AGBL4: variants seen among roughly 807,000 people sequenced by gnomAD.
The protein encoded by AGBL4 is cytosolic carboxypeptidase 6.
In AGBL4, 58 loss-of-function variants were observed where a neutral mutation model predicts 66.4. The observed-to-expected ratio is 0.87, with a 90% CI of 0.71 to 1.09. The LOEUF (loss-of-function observed/expected upper bound fraction) is 1.09. AGBL4 is among the 50% of genes least tolerant of loss of function. The pLI is 0.00. For synonymous variants in AGBL4, 234 were observed against 222.9 expected, an observed-to-expected ratio of 1.05 and a Z score of -0.44; for missense variants, 579 against 631.0, an observed-to-expected ratio of 0.92 and a Z score of 0.88.
rs536092453 is a variant in AGBL4 at position 48,626,995 on chromosome 1, G to A, written c.951+7498C>T. ...ATGGCTATGGCCTCCTGTCCTCCTAGTTTATTTCTGATGTGTACGTGGGGT... is the reference window on the plus strand; with the variant it reads ...ATGGCTATGGCCTCCTGTCCTCCTAATTTATTTCTGATGTGTACGTGGGGT... On this transcript the variant is annotated intron_variant, in intron 9 of 13. Coordinates refer to ENST00000371839, the MANE Select transcript of AGBL4 (RefSeq NM_032785.4). Among the ~76,000 whole-genome samples, 6 of 152,070 alleles carry A rather than the reference G, an allele frequency of 3.9e-5. No individual in the cohort carries two copies. In the South Asian group the frequency reaches 1.2e-3, roughly 32 times the overall value.
At chr1:49,486,590 C>T (rs1405934520) in intron 3 of AGBL4, among the ~76,000 whole-genome samples, 4 of 151,864 alleles carry the variant, frequency 2.6e-5, no homozygotes, top group Non-Finnish European at 4.4e-5. Flanking sequence ...CTATTCAGGC[C>T]TCTCTCTCTG....
chr1:49,394,118 G>A (rs1644906932), intron 3 of AGBL4, among the ~76,000 whole-genome samples: 1 of 151,420 alleles, frequency 6.6e-6, no homozygotes, highest in South Asian at 2.1e-4. Flanking sequence ...AAGTGTCACT[G>A]ACATTAAAAA....
chr1:49,589,627 A>T (rs189857768), intron 3 of AGBL4, among the ~76,000 whole-genome samples: 2 of 152,154 alleles, frequency 1.3e-5, no homozygotes. Flanking sequence ...ATAATATTTC[A>T]TATAATCAAA....
At chr1:48,653,147 C>T (rs1645958906) in intron 8 of AGBL4, among the ~76,000 whole-genome samples, 190 bp downstream of exon 8, 1 of 152,148 alleles carries the variant, frequency 6.6e-6, no homozygotes, top group Non-Finnish European at 1.5e-5. Flanking sequence ...AGCAAGTGAC[C>T]TTAGGTGGCT....
intron 4 of AGBL4, among the ~76,000 whole-genome samples, chr1:49,144,393 C>A (rs1186142134): frequency 1.3e-5 from 2 of 151,720 alleles, no homozygotes; most frequent in Non-Finnish European, 2.9e-5. Flanking sequence ...CTTCTGTATT[C>A]CAGCACCGAA....
intron 3 of AGBL4, among the ~76,000 whole-genome samples, chr1:49,441,297 T>C (rs932060169): frequency 1.3e-5 from 2 of 152,100 alleles, no homozygotes; most frequent in East Asian, 1.9e-4. Context: ...GGAAGGAACA[T>C]AGAGTTGGAT....
chr1:48,999,595 C>T (rs186671606), intron 5 of AGBL4, among the ~76,000 whole-genome samples: 8 of 152,218 alleles, frequency 5.3e-5, no homozygotes, highest in South Asian at 2.1e-4. Flanking sequence ...CTGTGCAGCA[C>T]GAGAAAAGTA....
chr1:49,434,720 G>C (rs1345564495), intron 3 of AGBL4, among the ~76,000 whole-genome samples: 20 of 151,422 alleles, frequency 1.3e-4, no homozygotes, highest in Admixed American at 1.3e-3. Context: ...GGTGGTGGTG[G>C]TGGTGGTGGT....
intron 2 of AGBL4, among the ~76,000 whole-genome samples, chr1:49,777,558 T>C (rs1269507033): frequency 2.0e-5 from 3 of 152,228 alleles, no homozygotes; most frequent in Non-Finnish European, 4.4e-5. Flanking sequence ...TTTTTAATTA[T>C]GTAGGACACA....
chr1:49,537,899 C>G (rs1651726431), intron 3 of AGBL4, among the ~76,000 whole-genome samples: 1 of 151,424 alleles, frequency 6.6e-6, no homozygotes, highest in Non-Finnish European at 1.5e-5. Context: ...TGCACTCCAG[C>G]CTGGGCGAGA....
intron 1 of AGBL4, among the ~76,000 whole-genome samples, chr1:50,004,192 G>A (rs1186574062): frequency 6.6e-6 from 1 of 152,204 alleles, no homozygotes; most frequent in Non-Finnish European, 1.5e-5. Flanking sequence ...TGTCACAGCA[G>A]AAAGCAACAC....
At chr1:48,886,411 T>G (rs1650349566) in intron 5 of AGBL4, among the ~76,000 whole-genome samples, 1 of 152,182 alleles carries the variant, frequency 6.6e-6, no homozygotes, top group Non-Finnish European at 1.5e-5. Flanking sequence ...AGCTGATTGT[T>G]TTGTCACTGT....
intron 6 of AGBL4, among the ~76,000 whole-genome samples, chr1:48,806,146 T>G (rs572398181): frequency 3.3e-5 from 5 of 152,236 alleles, no homozygotes; most frequent in Admixed American, 3.3e-4. Flanking sequence ...TAATCACACC[T>G]TTCACATCTT....
chr1:49,705,620 G>A (rs1477771779), intron 2 of AGBL4, among the ~76,000 whole-genome samples: 3 of 152,162 alleles, frequency 2.0e-5, no homozygotes, highest in Non-Finnish European at 2.9e-5. Flanking sequence ...TATTGTGCCA[G>A]TTTTCAAAGA....
intron 4 of AGBL4, among the ~76,000 whole-genome samples, chr1:49,198,215 T>A (rs951290662): frequency 2.6e-5 from 4 of 152,142 alleles, no homozygotes; most frequent in African/African-American, 7.2e-5. Context: ...TGCTGGATTA[T>A]ACAATGCAGA....
chr1:49,110,639 T>C (rs913113649), intron 4 of AGBL4, among the ~76,000 whole-genome samples: 1 of 152,102 alleles, frequency 6.6e-6, no homozygotes, highest in African/African-American at 2.4e-5. Context: ...AGGACTGTAC[T>C]CTTAGTTATC....
rs113419716 is a variant in AGBL4, at chr1:49,094,460, G to A, written c.378-48660C>T. 2.8e-3 allele frequency among the ~76,000 whole-genome samples: 422 copies of A among 152,074 alleles called. 4 individuals are homozygous for A. The highest frequency in any genetic ancestry group is 9.5e-3 in the African/African-American group (394 of 41,512). ...TTGAGGTAATCATGTGGTTTTTGTC[G>A]TTGGTTCTGTTTATATGCTGGATTA... On this transcript the variant is annotated intron_variant, in intron 4 of 13. Coordinates refer to ENST00000371839, the MANE Select transcript of AGBL4 (RefSeq NM_032785.4).
At chr1:49,795,481 C>T (rs911480261) in intron 2 of AGBL4, among the ~76,000 whole-genome samples, 5 of 151,974 alleles carry the variant, frequency 3.3e-5, no homozygotes, top group Non-Finnish European at 5.9e-5. Flanking sequence ...GGAAAAATCA[C>T]TGGTGTCCTG....
chr1:48,607,977 G>C (rs2148374992), intron 9 of AGBL4, among the ~76,000 whole-genome samples: 1 of 152,190 alleles, frequency 6.6e-6, no homozygotes, highest in East Asian at 1.9e-4. Context: ...TAACTTGATT[G>C]AAGTCACAAA....
Sources: allele counts gnomAD v4.1 joint callset (sites outside exome capture counted in the v4.1 genomes callset), GRCh38; gene constraint gnomAD v4.1.1; transcripts MANE v1.5; gene names NCBI Gene and HGNC (gene_info 2026-07-23, HGNC 2026-07-21).